Variants in QTGAL observed in about 807,000 individuals in gnomAD.
The protein encoded by QTGAL is BGnT-like protein 1.
At chr17:83,032,709 G>A in the QTGAL span, among the ~76,000 whole-genome samples, 1 of 152,262 alleles carries the variant, frequency 6.6e-6, no homozygotes. Flanking sequence ...AGGGTCAGGA[G>A]AGAGGGCTGA....
the QTGAL span, among the ~76,000 whole-genome samples, chr17:82,969,768 C>T: frequency 5.3e-5 from 8 of 152,182 alleles, no homozygotes; most frequent in Admixed American, 2.6e-4. Flanking sequence ...CAGCCTCAAC[C>T]TCCCCGGCTC....
At chr17:82,955,168 A>G in the QTGAL span, among the ~76,000 whole-genome samples, 1 of 152,266 alleles carries the variant, frequency 6.6e-6, no homozygotes, top group Non-Finnish European at 1.5e-5. Flanking sequence ...AAAAGAAACT[A>G]TCATCAGAGT....
chr17:82,990,824 T>C, the QTGAL span, among the ~76,000 whole-genome samples: 1 of 152,058 alleles, frequency 6.6e-6, no homozygotes, highest in Non-Finnish European at 1.5e-5. Context: ...ATCAGTGTCT[T>C]TATAATAAGA....
chr17:83,034,862 T>C, the QTGAL span, among the ~76,000 whole-genome samples: 1 of 152,218 alleles, frequency 6.6e-6, no homozygotes, highest in Non-Finnish European at 1.5e-5. Flanking sequence ...TCTTTATAAA[T>C]TACCCAGTCT....
chr17:83,037,003 G>A, the QTGAL span, among the ~76,000 whole-genome samples: 21 of 152,272 alleles, frequency 1.4e-4, no homozygotes, highest in Middle Eastern at 3.4e-3. The surrounding 1 kb of genome is among the most constrained non-coding windows in gnomAD (Gnocchi z 5.2). Flanking sequence ...GCTCCAAGGG[G>A]CAGGATACCC....
At chr17:82,977,875 T>C in the QTGAL span, among the ~76,000 whole-genome samples, 16 of 152,008 alleles carry the variant, frequency 1.1e-4, no homozygotes, top group Non-Finnish European at 2.1e-4. Context: ...CTTCCTGCGG[T>C]TTCTGTCTTC....
At chr17:83,017,377 C>A in the QTGAL span, among the ~76,000 whole-genome samples, 1 of 152,130 alleles carries the variant, frequency 6.6e-6, no homozygotes, top group Non-Finnish European at 1.5e-5. Flanking sequence ...AATCCCAGCA[C>A]TTTGGGAGGC....
At chr17:83,016,744 G>A in the QTGAL span, among the ~76,000 whole-genome samples, 1 of 149,930 alleles carries the variant, frequency 6.7e-6, no homozygotes, top group African/African-American at 2.5e-5. Context: ...GGAAGAAGGA[G>A]GATGAAGGTG....
At chr17:82,995,167 T>C in the QTGAL span, among the ~76,000 whole-genome samples, 4 of 152,176 alleles carry the variant, frequency 2.6e-5, no homozygotes, top group East Asian at 5.8e-4. Flanking sequence ...TTATTCAACA[T>C]TGTACTGAAA....
the QTGAL span, among the ~76,000 whole-genome samples, chr17:82,991,531 C>T: frequency 1.3e-5 from 2 of 152,220 alleles, no homozygotes; most frequent in Admixed American, 1.3e-4. Flanking sequence ...GCAGATGCAG[C>T]TTAGATCGCA....
the QTGAL span, among the ~76,000 whole-genome samples, chr17:83,050,899 C>T: frequency 6.7e-6 from 1 of 150,232 alleles, no homozygotes; most frequent in African/African-American, 2.5e-5. Flanking sequence ...ATGCAGGACG[C>T]AGAGCAGGTG....
At chr17:82,947,147 G>A in the QTGAL span, 2 of 588,716 alleles carry the variant, frequency 3.4e-6, no homozygotes, top group African/African-American at 3.8e-5. Flanking sequence ...AGGCCAGAGA[G>A]GGCAGCAGCC....
the QTGAL span, among the ~76,000 whole-genome samples, chr17:82,986,524 AG>A: frequency 9.9e-5 from 15 of 152,262 alleles, no homozygotes; most frequent in African/African-American, 3.4e-4. Flanking sequence ...AAATGTAAAA[AG>A]TAAATCTAAA....
At chr17:82,959,003 T>C in the QTGAL span, among the ~76,000 whole-genome samples, 102 of 44,430 alleles carry the variant, frequency 2.3e-3, 3 homozygotes, top group South Asian at 0.011. Context: ...TGTGTGTGTA[T>C]ACTGTGTGGG....
At chr17:83,019,728 T>C in the QTGAL span, among the ~76,000 whole-genome samples, 20 of 152,216 alleles carry the variant, frequency 1.3e-4, no homozygotes, top group African/African-American at 4.3e-4. Flanking sequence ...ACTTGAACAA[T>C]AGAACTTTCT....
chr17:82,958,987 G>GGT, the QTGAL span, among the ~76,000 whole-genome samples: 13 of 49,586 alleles, frequency 2.6e-4, no homozygotes, highest in South Asian at 1.1e-3. Context: ...GGGGGTGTAT[G>GGT]GTGTGTGTGT....
At chr17:82,965,721 A>T in the QTGAL span, 1 of 1,612,420 alleles carries the variant, frequency 6.2e-7, no homozygotes, top group Non-Finnish European at 8.5e-7. Flanking sequence ...GGGCATGATC[A>T]CCGTGGGGCC....
chr17:82,957,113 G>C, the QTGAL span: 1 of 1,594,898 alleles, frequency 6.3e-7, no homozygotes, highest in Non-Finnish European at 8.6e-7. Context: ...GGAAGGCTCG[G>C]AGCAGCTGTC....
the QTGAL span, among the ~76,000 whole-genome samples, chr17:83,031,447 GC>G: frequency 0.01 from 1,517 of 147,768 alleles, 74 homozygotes; most frequent in African/African-American, 0.038. Flanking sequence ...ACGTTTTCCA[GC>G]GGGGAAGGGT....
Sources: gnomAD v4.1 joint callset for allele counts (sites outside exome capture counted in the v4.1 genomes callset) on GRCh38, gnomAD v4.1.1 for gene constraint, Gnocchi (gnomAD v3.1) non-coding constraint, MANE v1.5 for transcripts, NCBI Gene and HGNC (gene_info 2026-07-23, HGNC 2026-07-21) for gene names.